ITPK1: variants seen among roughly 807,000 people sequenced by gnomAD.
ITPK1 encodes inositol-tetrakisphosphate 1-kinase.
In ITPK1, 21 loss-of-function variants were observed where a neutral mutation model predicts 45.3. The observed-to-expected ratio is 0.46, with a 90% CI of 0.33 to 0.67. The LOEUF (loss-of-function observed/expected upper bound fraction) is 0.67. ITPK1 is among the 30% of genes least tolerant of loss of function. The pLI, the probability that ITPK1 is intolerant of heterozygous loss-of-function variation, is 0.02. For synonymous variants in ITPK1, 258 were observed against 253.6 expected (o/e 1.02, Z -0.16); for missense variants, 474 against 573.5 (o/e 0.83, Z 1.77).
intron 5 of ITPK1, among the ~76,000 whole-genome samples, chr14:92,978,691 G>A (rs1595105159): frequency 6.6e-6 from 1 of 152,012 alleles, no homozygotes; most frequent in Non-Finnish European, 1.5e-5. Context: ...CAATCCCCAA[G>A]CCTTGGTGGC....
intron 10 of ITPK1, 90 bp downstream of exon 10, chr14:92,946,241 T>C (rs1446519821): frequency 6.8e-7 from 1 of 1,470,674 alleles, no homozygotes; most frequent in Admixed American, 1.7e-5. Context: ...AAGCTGGCTT[T>C]CTGGCCTCAG....
At position 92,939,843 on chromosome 14, in the gene ITPK1, T is replaced by A; in HGVS notation, c.*1718A>T. ...TATGACATAACAAACTTGAGCAACA[T>A]GTGTAAACACGTGTGAAATGCGGTT... On this transcript the variant is annotated 3_prime_UTR_variant, in exon 11 of 11. Coordinates refer to ENST00000267615, the MANE Select transcript of ITPK1 (RefSeq NM_014216.6). 1 of 985,838 alleles carries A rather than the reference T, an allele frequency of 1.0e-6. No homozygotes were observed. The highest frequency in any genetic ancestry group is 1.2e-6 in the Non-Finnish European group (1 of 829,928). The allele number at this position is 985,838 out of a possible 1,614,324, so 61.1% of individuals were successfully genotyped here. A position where few individuals can be genotyped will look rare whatever the true frequency, so the allele number is the denominator to read the frequency against.
chr14:93,107,444 T>G (rs1345517488), intron 2 of ITPK1, among the ~76,000 whole-genome samples: 2 of 152,092 alleles, frequency 1.3e-5, no homozygotes, highest in African/African-American at 2.4e-5. Context: ...GGCCTAAGTA[T>G]CAGTGAAGAT....
At chr14:92,980,379 T>C (rs1052307313) in intron 5 of ITPK1, among the ~76,000 whole-genome samples, 1 of 152,156 alleles carries the variant, frequency 6.6e-6, no homozygotes, top group Non-Finnish European at 1.5e-5. Context: ...TGGAGGGCTC[T>C]GGCCCATGAC....
chr14:93,115,564 C>T (rs1892917089), intron 1 of ITPK1, among the ~76,000 whole-genome samples: 1 of 149,560 alleles, frequency 6.7e-6, no homozygotes, highest in Non-Finnish European at 1.5e-5. Context: ...TCCGCAGACA[C>T]CGCCCCCGCC....
intron 5 of ITPK1, among the ~76,000 whole-genome samples, chr14:92,983,352 G>A (rs1886322705): frequency 6.6e-6 from 1 of 152,148 alleles, no homozygotes; most frequent in Non-Finnish European, 1.5e-5. Context: ...AAAATGTTTG[G>A]AGGGCTCTTT....
chr14:93,088,331 G>GTTTTTT (rs1428025538), intron 2 of ITPK1, among the ~76,000 whole-genome samples: 1 of 130,618 alleles, frequency 7.7e-6, no homozygotes, highest in African/African-American at 3.1e-5. Flanking sequence ...TTCTTTTTTG[G>GTTTTTT]TTTTGTTTTG....
chr14:92,976,852 C>CA (rs1192425774), intron 5 of ITPK1, among the ~76,000 whole-genome samples: 2 of 152,220 alleles, frequency 1.3e-5, no homozygotes, highest in Non-Finnish European at 2.9e-5. Context: ...TAGCCTTTGT[C>CA]ACTGGTCTCC....
chr14:92,990,812 A>C lies in ITPK1; in HGVS notation c.364+3068T>G, dbSNP rs189249801. 6.2e-3 allele frequency among the ~76,000 whole-genome samples: 940 copies of C among 152,236 alleles called. 7 individuals are homozygous for C. Among genetic ancestry groups the C allele is most frequent in the Non-Finnish European group, 8.9e-3 (606 of 68,008 alleles). On this transcript the variant is annotated intron_variant, in intron 5 of 10. Transcript: ENST00000267615. The stretch of plus-strand genomic sequence containing the variant: ...CCCTTATCCAAGGGCTCTGCCTGCT[A>C]TTCCTGGGAGAGCCTCCCCTTGTGC...
At chr14:93,099,857 C>T (rs148536055) in intron 2 of ITPK1, among the ~76,000 whole-genome samples, 16 of 152,270 alleles carry the variant, frequency 1.1e-4, no homozygotes, top group African/African-American at 3.9e-4. Context: ...CTCTCCACTC[C>T]CTTCTTGGGA....
chr14:93,091,646 G>A (rs1030526881), intron 2 of ITPK1, among the ~76,000 whole-genome samples: 1 of 152,164 alleles, frequency 6.6e-6, no homozygotes, highest in Non-Finnish European at 1.5e-5. Context: ...TCAGGACACT[G>A]CCAGAGGGTG....
chr14:93,033,700 T>C (rs893942416), intron 3 of ITPK1, among the ~76,000 whole-genome samples: 1 of 151,950 alleles, frequency 6.6e-6, no homozygotes, highest in Non-Finnish European at 1.5e-5. Flanking sequence ...AAAGAGGCGC[T>C]AGAGAGAGAC....
chr14:93,016,945 G>C lies in ITPK1; in HGVS notation c.121-144C>G. 9.4e-7 allele frequency: 1 copy of C among 1,066,978 alleles called. No homozygotes were observed. The highest frequency in any genetic ancestry group is 1.6e-5 in the South Asian group (1 of 63,230). The allele number at this position is 1,066,978 out of a possible 1,614,324, so 66.1% of individuals were successfully genotyped here. ...CTGGAGATGGGGCAGGAGGAGGGCT[G>C]ACATGGAAAATACAGACAGGACAAG... On this transcript the variant is annotated intron_variant, in intron 3 of 10. Coordinates refer to ENST00000267615, the MANE Select transcript of ITPK1 (RefSeq NM_014216.6). The surrounding 1 kb of genome is among the most constrained non-coding windows in gnomAD (Gnocchi z 5.0).
chr14:92,949,227 G>T (rs183228045), intron 9 of ITPK1, among the ~76,000 whole-genome samples: 4 of 152,080 alleles, frequency 2.6e-5, no homozygotes, highest in East Asian at 3.9e-4. Context: ...CTGAGTAGCC[G>T]CAACTACAGG....
intron 3 of ITPK1, among the ~76,000 whole-genome samples, chr14:93,044,938 C>G (rs1466237668): frequency 2.0e-5 from 3 of 152,212 alleles, no homozygotes; most frequent in Non-Finnish European, 2.9e-5. Flanking sequence ...GGTTTAGCAC[C>G]AGGACTCCTG....
intron 9 of ITPK1, among the ~76,000 whole-genome samples, chr14:92,950,443 A>G (rs944528016): frequency 6.6e-6 from 1 of 152,224 alleles, no homozygotes; most frequent in Non-Finnish European, 1.5e-5. Flanking sequence ...TCTCTTTTCT[A>G]TTTTTGGAAA....
At chr14:92,981,032 C>T (rs1364702365) in intron 5 of ITPK1, among the ~76,000 whole-genome samples, 2 of 152,184 alleles carry the variant, frequency 1.3e-5, no homozygotes, top group Non-Finnish European at 2.9e-5. Flanking sequence ...TCTTGGCCGC[C>T]GTGGAGACAC....
rs144351686 is a variant in ITPK1, at chr14:93,054,360, C to T, written c.120+22235G>A. Among the ~76,000 whole-genome samples, 239 of 152,312 alleles carry T rather than the reference C, an allele frequency of 1.6e-3. 2 individuals are homozygous for T. The highest frequency in any genetic ancestry group is 4.4e-3 in the African/African-American group (182 of 41,548). On this transcript the variant is annotated intron_variant, in intron 3 of 10. Coordinates refer to ENST00000267615, the MANE Select transcript of ITPK1 (RefSeq NM_014216.6). Reference sequence around the variant, plus strand: ...TGCATGGAAAACAGCATCCAGACAACGGGTGGTCTTATCTCCTGCCAGTAC... The same window carrying T: ...TGCATGGAAAACAGCATCCAGACAATGGGTGGTCTTATCTCCTGCCAGTAC...
intron 2 of ITPK1, among the ~76,000 whole-genome samples, chr14:93,101,807 G>A (rs8006228): frequency 0.27 from 40,437 of 152,060 alleles, 6,187 homozygotes; most frequent in African/African-American, 0.43. Context: ...CTGAGATCGC[G>A]GCACTGTGCA....
Sources: gnomAD v4.1 joint callset for allele counts (sites outside exome capture counted in the v4.1 genomes callset) on GRCh38, gnomAD v4.1.1 for gene constraint, Gnocchi (gnomAD v3.1) non-coding constraint, MANE v1.5 for transcripts, NCBI Gene and HGNC (gene_info 2026-07-23, HGNC 2026-07-21) for gene names.